UBR4: variants seen among roughly 807,000 people sequenced by gnomAD.
UBR4 encodes the protein E3 ubiquitin-protein ligase UBR4.
A neutral mutation model predicts 575.6 loss-of-function variants in UBR4; 124 were observed. The ratio of observed to expected loss-of-function variants is 0.22; its 90% CI spans 0.19 to 0.25. The LOEUF is 0.25. UBR4 is among the 10% of genes least tolerant of loss of function. UBR4 has a pLI of 1.00. For missense variants in UBR4, 4,818 were observed against 6,478.8 expected, an observed-to-expected ratio of 0.74 and a Z score of 8.80; for synonymous variants, 2,455 against 2,473.7, an observed-to-expected ratio of 0.99 and a Z score of 0.22.
At chr1:19,184,960 G>T in intron 15 of UBR4, 139 bp downstream of exon 15, 1 of 984,392 alleles carries the variant, frequency 1.0e-6, no homozygotes. Context: ...ACATAATCAA[G>T]ACATATAAGT....
At chr1:19,118,716 C>A in intron 71 of UBR4, 156 bp downstream of exon 71, 1 of 687,020 alleles carries the variant, frequency 1.5e-6, no homozygotes, top group Non-Finnish European at 2.5e-6. Flanking sequence ...ATTTGCAAGA[C>A]CCTGGCCTAC....
In UBR4 at chr1:19,106,986, C is replaced by T. The variant is rs114943695; in HGVS notation, c.12106-20G>A. The T allele has an allele frequency of 1.9e-4, 311 of 1,610,926 alleles. 2 individuals are homozygous for T. In the African/African-American group the frequency reaches 3.6e-3, roughly 19 times the overall value. On this transcript the variant is annotated intron_variant, in intron 81 of 105. Coordinates refer to ENST00000375254, the MANE Select transcript of UBR4 (RefSeq NM_020765.3). ...GACATCCTGGAGGAGGCAAGTGGAG[C>T]AAGGTGAGGGCGCTCAAGGGCACAC...
chr1:19,093,243 T>C lies in UBR4; in HGVS notation c.14111+70A>G, dbSNP rs1557538949. ...GCACACGTGAAGCTTTATGCCAAGATGCTGATGGAGAAGGAAAAGGAAAGG... is the reference window on the plus strand; with the variant it reads ...GCACACGTGAAGCTTTATGCCAAGACGCTGATGGAGAAGGAAAAGGAAAGG... On this transcript the variant is annotated intron_variant, in intron 96 of 105. Transcript: ENST00000375254. The surrounding 1 kb of genome is among the most constrained non-coding windows in gnomAD (Gnocchi z 4.8). 4 of 1,560,290 alleles carry C rather than the reference T, an allele frequency of 2.6e-6. No individual in the cohort carries two copies. Among genetic ancestry groups the C allele is most frequent in the Middle Eastern group, 2.4e-4 (1 of 4,240 alleles).
In UBR4 at chr1:19,112,513, T is replaced by A; in HGVS notation, c.11801+11A>T. 6.2e-7 allele frequency: 1 copy of A among 1,600,044 alleles called. No individual in the cohort carries two copies. The highest frequency in any genetic ancestry group is 1.1e-5 in the South Asian group (1 of 87,878). ...AACCACTAGGCCCATAACCATGGTG[T>A]AGGTACTGACCGAGTTAGGAGGCAC... On this transcript the variant is annotated intron_variant, in intron 78 of 105. Transcript: ENST00000375254.
Position 19,170,878 on chromosome 1 carries a change from T to A in UBR4, c.3527A>T (p.Tyr1176Phe), listed in dbSNP as rs1390867166. 2 of 1,614,080 alleles carry A rather than the reference T, an allele frequency of 1.2e-6. No homozygotes were observed. Among genetic ancestry groups the A allele is most frequent in the Non-Finnish European group, 8.5e-7 (1 of 1,179,988 alleles). ...CTCTTCATTAAAGTTTTGCAGCAAA[T>A]AGGCTCTGGGGAAAAAACAGGGGGA... is the stretch of plus-strand genomic sequence containing the variant. The part of the protein sequence containing the change: ...IDTYASFTRA[Y>F]LLQNFNEEGT... Residue 1176 changes from tyrosine (Y) to phenylalanine (F), a missense_variant, in exon 26 of 106, where the codon TAT becomes TTT. By Grantham distance (22) the Tyr-to-Phe change is conservative. Around this residue, in one of 29 missense-constraint regions of UBR4, gnomAD observed 1,172 missense variants for 1,259.7 expected, o/e 0.93. Transcript: ENST00000375254.
At chr1:19,149,827 GA>G (rs773836268) in intron 49 of UBR4, 3 of 1,281,152 alleles carry the variant, frequency 2.3e-6, no homozygotes, top group Admixed American at 5.1e-5. Context: ...AAAAAAAAAG[GA>G]AAAAAATGTG....
intron 1 of UBR4, among the ~76,000 whole-genome samples, chr1:19,202,088 G>A (rs933714107): frequency 3.9e-5 from 6 of 152,070 alleles, no homozygotes; most frequent in Non-Finnish European, 5.9e-5. Flanking sequence ...AGCTCCTCAG[G>A]AGGCTGAGGC....
chr1:19,144,659 T>C, intron 54 of UBR4, 127 bp downstream of exon 54: 1 of 1,327,724 alleles, frequency 7.5e-7, no homozygotes, highest in Non-Finnish European at 1.0e-6. Flanking sequence ...CTTTTATTGA[T>C]ATTTGAAACT....
At chr1:19,181,344 A>T (rs529734305) in intron 17 of UBR4, among the ~76,000 whole-genome samples, 1 of 152,152 alleles carries the variant, frequency 6.6e-6, no homozygotes, top group Non-Finnish European at 1.5e-5. Context: ...CCTGGGAGAT[A>T]CAGTAACATC....
chr1:19,198,121 A>G, intron 5 of UBR4, 72 bp from the exon 6 acceptor site: 1 of 1,427,302 alleles, frequency 7.0e-7, no homozygotes, highest in Non-Finnish European at 9.8e-7. Flanking sequence ...AGTGAGCAGT[A>G]GCTGCACGGA....
intron 92 of UBR4, 46 bp from the exon 93 acceptor site, chr1:19,095,698 T>C (rs1292063654): frequency 3.2e-6 from 5 of 1,575,046 alleles, no homozygotes; most frequent in East Asian, 2.2e-5. Context: ...CATGAGAGTG[T>C]AGGACATGGG....
intron 1 of UBR4, among the ~76,000 whole-genome samples, chr1:19,205,654 T>C (rs1383137706): frequency 1.0e-4 from 15 of 146,670 alleles, no homozygotes; most frequent in East Asian, 1.0e-3. Context: ...TTTTTTTTTT[T>C]CCTGTAGGTC....
intron 11 of UBR4, among the ~76,000 whole-genome samples, chr1:19,188,928 C>T (rs2091812124): frequency 6.6e-6 from 1 of 152,118 alleles, no homozygotes; most frequent in African/African-American, 2.4e-5. Context: ...ATAATCCTAC[C>T]ATTGCACTCT....
intron 58 of UBR4, among the ~76,000 whole-genome samples, chr1:19,140,168 G>C (rs1224188451): frequency 1.3e-5 from 2 of 151,690 alleles, no homozygotes; most frequent in East Asian, 1.9e-4. Flanking sequence ...ATTACTCAGG[G>C]GTTGACCAGG....
Position 19,112,807 on chromosome 1 carries a change from T to C in UBR4, c.11518A>G (p.Thr3840Ala), listed in dbSNP as rs1469480268. ...TGCACGGAGGTCCGGGATGATTTAG[T>C]GGCTGCTTCCCTCTGCTGTAGGTCA... ...EYDLQQREAA[T>A]KSSRTSVQPT... Residue 3840 changes from threonine to alanine, a missense_variant, in exon 78 of 106, where the codon ACT becomes GCT. By Grantham distance (58) the Thr-to-Ala change is moderately conservative. This residue lies in a region of UBR4 where 333 missense variants were observed against 459.2 expected (regional missense o/e 0.73). Transcript: ENST00000375254. 14 of 1,614,020 alleles carry C rather than the reference T, an allele frequency of 8.7e-6. No individual in the cohort carries two copies. Among genetic ancestry groups the C allele is most frequent in the Non-Finnish European group, 1.2e-5 (14 of 1,179,974 alleles).
intron 22 of UBR4, 107 bp from the exon 23 acceptor site, chr1:19,173,728 G>C: frequency 9.2e-7 from 1 of 1,083,458 alleles, no homozygotes; most frequent in Non-Finnish European, 1.3e-6. Flanking sequence ...ACTGTATAGA[G>C]TCCTGATTTT....
At chr1:19,146,261 A>ATGTT in intron 52 of UBR4, 1 of 489,036 alleles carries the variant, frequency 2.0e-6, no homozygotes, top group Non-Finnish European at 3.4e-6. Context: ...TCTCTCTAGA[A>ATGTT]CAATTCTGGG....
In UBR4 at chr1:19,148,689, A is replaced by T; in HGVS notation, c.7431-63T>A. ...TTCTCTCCGCCTTGCGCTTTAGCCTAAGCAAACTATAGTCATGAGGACCTT... is the reference window on the plus strand; with the variant it reads ...TTCTCTCCGCCTTGCGCTTTAGCCTTAGCAAACTATAGTCATGAGGACCTT... On this transcript the variant is annotated intron_variant, in intron 49 of 105. Coordinates refer to ENST00000375254, the MANE Select transcript of UBR4 (RefSeq NM_020765.3). 8.2e-6 allele frequency: 13 copies of T among 1,585,054 alleles called. No homozygotes were observed. The South Asian group carries it at 1.2e-4, about 15-fold the overall frequency.
intron 58 of UBR4, 108 bp downstream of exon 58, chr1:19,140,680 G>A (rs906814661): frequency 4.4e-6 from 5 of 1,143,978 alleles, no homozygotes; most frequent in South Asian, 4.2e-5. Flanking sequence ...GAAGCAGGAA[G>A]TCCAGAATGG....
Sources: gnomAD v4.1 joint callset for allele counts (sites outside exome capture counted in the v4.1 genomes callset) on GRCh38, gnomAD v4.1.1 for gene constraint, gnomAD v4.1.1 regional missense constraint, Gnocchi (gnomAD v3.1) non-coding constraint, MANE v1.5 for transcripts, NCBI Gene and HGNC (gene_info 2026-07-23, HGNC 2026-07-21) for gene names.